Variants in ARID1B observed in about 807,000 individuals in gnomAD.
The protein encoded by ARID1B is AT-rich interaction domain 1B.
Under a neutral mutation model 212.3 loss-of-function variants are expected in ARID1B, and 30 were observed. The ratio of observed to expected loss-of-function variants is 0.14; its 90% CI spans 0.11 to 0.19. The LOEUF (loss-of-function observed/expected upper bound fraction) is 0.19, where lower values mean the gene tolerates loss of function less well. ARID1B is among the 10% of genes least tolerant of loss of function. The probability of loss-of-function intolerance (pLI) is 1.00; values close to 1 mark genes in which losing one functional copy is unlikely to be tolerated. For synonymous variants in ARID1B, 1,402 were observed against 1,301.7 expected (o/e 1.08, Z -1.66); for missense variants, 2,891 against 3,204.0 (o/e 0.90, Z 2.36).
intron 4 of ARID1B, among the ~76,000 whole-genome samples, chr6:156,980,269 G>A (rs548019348): frequency 1.3e-5 from 2 of 152,064 alleles, no homozygotes; most frequent in East Asian, 1.9e-4. Context: ...GATCACCTGC[G>A]GTCAGGAGTT....
At chr6:157,186,937 A>G (rs1354795341) in intron 13 of ARID1B, among the ~76,000 whole-genome samples, 1 of 152,136 alleles carries the variant, frequency 6.6e-6, no homozygotes, top group East Asian at 1.9e-4. Context: ...AGCCTCTGGG[A>G]GGCATAAGCC....
chr6:156,938,896 TC>T (rs1219608844), intron 4 of ARID1B: 2 of 152,354 alleles, frequency 1.3e-5, no homozygotes, highest in East Asian at 3.9e-4. Context: ...AGTTATGTTT[TC>T]CAGCTAACTT....
intron 1 of ARID1B, among the ~76,000 whole-genome samples, chr6:156,817,102 A>T (rs1016677426): frequency 6.6e-6 from 1 of 151,778 alleles, no homozygotes; most frequent in Non-Finnish European, 1.5e-5. Context: ...AGAAAAAAAA[A>T]GGCCGGGCAT....
At chr6:156,948,659 T>C (rs537429363) in intron 4 of ARID1B, among the ~76,000 whole-genome samples, 2 of 152,224 alleles carry the variant, frequency 1.3e-5, no homozygotes, top group Non-Finnish European at 2.9e-5. Flanking sequence ...AATTCAGTTA[T>C]GTTTAGTAAT....
At chr6:156,836,376 C>T (rs1783512498) in intron 2 of ARID1B, among the ~76,000 whole-genome samples, 3 of 152,102 alleles carry the variant, frequency 2.0e-5, no homozygotes. Flanking sequence ...GCTACGTGGG[C>T]AAGCGGGGGC....
intron 4 of ARID1B, among the ~76,000 whole-genome samples, chr6:157,078,594 G>A (rs368257893): frequency 2.4e-4 from 37 of 152,148 alleles, no homozygotes; most frequent in African/African-American, 8.4e-4. Flanking sequence ...TCCCTTTTAT[G>A]ATGCATATTT....
At chr6:156,780,215 A>G (rs911083892) in intron 1 of ARID1B, 3 of 152,282 alleles carry the variant, frequency 2.0e-5, no homozygotes, top group African/African-American at 7.2e-5. Context: ...GTCACCTTCA[A>G]CAGGCAGGCT....
At chr6:157,178,157 C>T (rs904474067) in intron 11 of ARID1B, among the ~76,000 whole-genome samples, 2 of 152,176 alleles carry the variant, frequency 1.3e-5, no homozygotes, top group Non-Finnish European at 2.9e-5. Context: ...CCCACGTTCA[C>T]TCCACACCTT....
At chr6:157,149,362 C>T (rs1160993001) in intron 8 of ARID1B, 4 of 190,300 alleles carry the variant, frequency 2.1e-5, no homozygotes, top group Non-Finnish European at 4.5e-5. Context: ...ACCTTTTTTT[C>T]ACCCTACCAC....
At chr6:157,103,313 G>A (rs912274962) in intron 5 of ARID1B, among the ~76,000 whole-genome samples, 2 of 151,980 alleles carry the variant, frequency 1.3e-5, no homozygotes, top group African/African-American at 4.8e-5. Flanking sequence ...ATATAATATA[G>A]CGGGGAACCA....
At chr6:157,114,699 C>A (rs1787205746) in intron 6 of ARID1B, among the ~76,000 whole-genome samples, 1 of 152,002 alleles carries the variant, frequency 6.6e-6, no homozygotes, top group Non-Finnish European at 1.5e-5. Context: ...TAATAGTCCA[C>A]CATATACGTA....
chr6:156,964,205 G>A (rs556629161), intron 4 of ARID1B, among the ~76,000 whole-genome samples: 37 of 152,334 alleles, frequency 2.4e-4, no homozygotes, highest in African/African-American at 8.9e-4. Context: ...GTCAAAGCTC[G>A]CAGTGACATC....
rs55734286 is a variant in ARID1B at position 157,209,468 on chromosome 6, G to T, written c.*1577G>T. The T allele has an allele frequency of 4.3e-6, 1 of 232,604 alleles. No individual in the cohort carries two copies. Among genetic ancestry groups the T allele is most frequent in the Non-Finnish European group, 8.5e-6 (1 of 117,706 alleles). 14.4% of individuals were successfully genotyped at this position (232,604 alleles called of 1,614,324 possible). On this transcript the variant is annotated 3_prime_UTR_variant, in exon 20 of 20. Transcript: ENST00000636930. ...TTACTTAGCTAATTAGTCTTTCTTT[G>T]AAGCAATTAACTCTAACGACATTGA...
chr6:157,052,201 T>C (rs537647749), intron 4 of ARID1B, among the ~76,000 whole-genome samples: 28 of 152,344 alleles, frequency 1.8e-4, no homozygotes, highest in Non-Finnish European at 3.4e-4. Flanking sequence ...TATATATATG[T>C]AGTAAAATGA....
chr6:157,005,132 TTTGTTGTTGTTGTTG>T (rs150174504), intron 4 of ARID1B, among the ~76,000 whole-genome samples: 52 of 148,832 alleles, frequency 3.5e-4, no homozygotes, highest in African/African-American at 1.2e-3. Context: ...CAGGCTGTTT[TTTGTTGTTGTTGTTG>T]TTGTTGTTGT....
At chr6:157,054,156 G>A (rs143840788) in intron 4 of ARID1B, among the ~76,000 whole-genome samples, 3,100 of 151,512 alleles carry the variant, frequency 0.02, 118 homozygotes, top group African/African-American at 0.071. Context: ...CCCGGGAGGC[G>A]GAGGTTGCAG....
chr6:157,202,318 A>G (rs1324587394), intron 18 of ARID1B, among the ~76,000 whole-genome samples: 1 of 152,226 alleles, frequency 6.6e-6, no homozygotes, highest in African/African-American at 2.4e-5. Flanking sequence ...TCTGAGTTAT[A>G]TTAGGAAAAA....
At chr6:156,828,528 A>G (rs770621321) in intron 1 of ARID1B, among the ~76,000 whole-genome samples, 2 of 152,180 alleles carry the variant, frequency 1.3e-5, no homozygotes, top group Non-Finnish European at 2.9e-5. Flanking sequence ...GCCCTCCTGT[A>G]TGACCTCGGC....
At chr6:156,979,598 G>A (rs1377873656) in intron 4 of ARID1B, among the ~76,000 whole-genome samples, 4 of 151,076 alleles carry the variant, frequency 2.6e-5, no homozygotes, top group East Asian at 1.9e-4. Context: ...TCGCTCTGTC[G>A]CCAGGCTGGA....
Sources: allele counts gnomAD v4.1 joint callset (sites outside exome capture counted in the v4.1 genomes callset), GRCh38; gene constraint gnomAD v4.1.1; transcripts MANE v1.5; gene names NCBI Gene and HGNC (gene_info 2026-07-23, HGNC 2026-07-21).